Variants in PTPRG observed in about 807,000 individuals in gnomAD.
PTPRG encodes protein tyrosine phosphatase receptor type G, also known as receptor-type tyrosine-protein phosphatase gamma.
In PTPRG, 102 loss-of-function variants were observed where a neutral mutation model predicts 165.3. The ratio of observed to expected loss-of-function variants is 0.62; its 90% CI spans 0.53 to 0.73. The LOEUF is 0.73. Among genes scored for constraint, PTPRG ranks in the 30% least tolerant of loss-of-function variants. The pLI is 0.00. For missense variants in PTPRG, 1,866 were observed against 1,861.4 expected (o/e 1.00, Z -0.05); for synonymous variants, 675 against 669.5 (o/e 1.01, Z -0.13).
intron 1 of PTPRG, among the ~76,000 whole-genome samples, chr3:61,629,239 C>G (rs1386770815): frequency 1.3e-5 from 2 of 152,206 alleles, no homozygotes; most frequent in Non-Finnish European, 2.9e-5. Flanking sequence ...ACTGCAGCCT[C>G]TGCCTCCTGG....
intron 1 of PTPRG, among the ~76,000 whole-genome samples, chr3:61,646,788 C>T (rs952704269): frequency 2.0e-5 from 3 of 152,138 alleles, no homozygotes; most frequent in African/African-American, 7.2e-5. Context: ...TATGCTACCC[C>T]TTGATAGCCA....
At chr3:61,970,038 C>T (rs1361070073) in intron 2 of PTPRG, among the ~76,000 whole-genome samples, 1 of 152,198 alleles carries the variant, frequency 6.6e-6, no homozygotes, top group Non-Finnish European at 1.5e-5. Flanking sequence ...AGATTCCTAT[C>T]ACTCCTTTTT....
At position 62,254,640 on chromosome 3, in the gene PTPRG, T is replaced by C. The variant is rs35923396; in HGVS notation, c.2468-484T>C. On this transcript the variant is annotated intron_variant, in intron 15 of 29. Coordinates refer to ENST00000474889, the MANE Select transcript of PTPRG (RefSeq NM_002841.4). This position sits in a 1 kb window ranked among gnomAD's most constrained non-coding sequence, Gnocchi z 4.6. ...CTGGTACAATGGCATCTATCTATAA[T>C]TGTGTATAAAGGATTGCTTAAAACT... 7.9e-3 allele frequency among the ~76,000 whole-genome samples: 1,201 copies of C among 152,168 alleles called. 12 individuals carry two copies. Among genetic ancestry groups the C allele is most frequent in the Admixed American group, 0.025 (386 of 15,272 alleles).
chr3:62,058,091 A>G (rs1700688511), intron 4 of PTPRG, among the ~76,000 whole-genome samples: 1 of 152,202 alleles, frequency 6.6e-6, no homozygotes. Context: ...CAGCAGTGCT[A>G]GTATGGATGT....
intron 4 of PTPRG, among the ~76,000 whole-genome samples, chr3:62,064,005 A>C (rs1411288327): frequency 6.6e-6 from 1 of 152,138 alleles, no homozygotes; most frequent in African/African-American, 2.4e-5. Flanking sequence ...TTTGCTGATG[A>C]GGCTGGTCTT....
intron 2 of PTPRG, among the ~76,000 whole-genome samples, chr3:61,824,865 G>A (rs1238914430): frequency 6.6e-6 from 1 of 152,186 alleles, no homozygotes; most frequent in Admixed American, 6.5e-5. Flanking sequence ...CTACTTGCTG[G>A]TCATGTTGAT....
At chr3:62,020,992 T>A (rs1287929274) in intron 4 of PTPRG, among the ~76,000 whole-genome samples, 3 of 152,178 alleles carry the variant, frequency 2.0e-5, no homozygotes, top group Non-Finnish European at 2.9e-5. Context: ...TGTTTTTTAA[T>A]GCTGCATAGC....
chr3:61,690,226 A>G lies in PTPRG; in HGVS notation c.86-58652A>G, dbSNP rs144088699. Among the ~76,000 whole-genome samples, 758 of 152,238 alleles carry G rather than the reference A, an allele frequency of 5.0e-3. 7 individuals are homozygous for G. The highest frequency in any genetic ancestry group is 0.017 in the African/African-American group (707 of 41,546). ...ATGGCCTGGAATGCAGTTTGTCACT[A>G]TCACTTCTTGGAAATGCAGAGGCCT... On this transcript the variant is annotated intron_variant, in intron 1 of 29. Coordinates refer to ENST00000474889, the MANE Select transcript of PTPRG (RefSeq NM_002841.4).
chr3:62,139,811 C>T (rs1233762108), intron 6 of PTPRG, among the ~76,000 whole-genome samples: 2 of 152,224 alleles, frequency 1.3e-5, no homozygotes, highest in Non-Finnish European at 2.9e-5. Flanking sequence ...CACCCATCAT[C>T]TCCTCACCAA....
intron 1 of PTPRG, among the ~76,000 whole-genome samples, chr3:61,662,741 C>G (rs969088960): frequency 3.3e-5 from 5 of 152,010 alleles, no homozygotes; most frequent in African/African-American, 1.2e-4. Flanking sequence ...TTTCTAGGGG[C>G]AGAAAAGGGA....
chr3:62,263,055 C>A, intron 17 of PTPRG, 161 bp downstream of exon 17: 1 of 571,432 alleles, frequency 1.7e-6, no homozygotes, highest in Non-Finnish European at 3.1e-6. Flanking sequence ...GAAGTTGGGA[C>A]ATTTTCTTCC....
chr3:61,827,015 C>T (rs1162889742), intron 2 of PTPRG, among the ~76,000 whole-genome samples: 1 of 152,024 alleles, frequency 6.6e-6, no homozygotes, highest in Non-Finnish European at 1.5e-5. Context: ...CTCAATCAGG[C>T]AACTAGAATG....
intron 1 of PTPRG, among the ~76,000 whole-genome samples, chr3:61,706,383 T>G (rs963925899): frequency 9.2e-5 from 14 of 152,216 alleles, no homozygotes; most frequent in African/African-American, 3.4e-4. Context: ...TGTATTTTTT[T>G]TTTTATAACA....
chr3:61,670,259 G>T lies in PTPRG; in HGVS notation c.86-78619G>T, dbSNP rs77756012. Among the ~76,000 whole-genome samples, 519 of 152,306 alleles carry T rather than the reference G, an allele frequency of 3.4e-3. 3 individuals carry two copies. The highest frequency in any genetic ancestry group is 0.012 in the African/African-American group (484 of 41,568). ...AAAACTTGGGAAGACCCAGGAGGGG[G>T]TTGACTTATCCCGAAAAATCAGGTT... On this transcript the variant is annotated intron_variant, in intron 1 of 29. Transcript: ENST00000474889.
At chr3:61,592,638 TTTCTTTCTTTC>T (rs1700599249) in intron 1 of PTPRG, among the ~76,000 whole-genome samples, 1 of 145,548 alleles carries the variant, frequency 6.9e-6, no homozygotes, top group Non-Finnish European at 1.5e-5. Flanking sequence ...TTTTTCTTTC[TTTCTTTCTTTC>T]TTTTTTTTTT....
At chr3:61,887,886 C>T (rs529865813) in intron 2 of PTPRG, among the ~76,000 whole-genome samples, 55 of 152,180 alleles carry the variant, frequency 3.6e-4, no homozygotes, top group South Asian at 1.0e-3. Context: ...ATTAGAGGAA[C>T]ATTACTTAAA....
chr3:61,752,022 G>A (rs941007013), intron 2 of PTPRG, among the ~76,000 whole-genome samples: 12 of 151,906 alleles, frequency 7.9e-5, no homozygotes, highest in Non-Finnish European at 1.2e-4. Flanking sequence ...CGTTAACATA[G>A]TCTCTGGCGT....
chr3:61,828,516 G>T (rs945927722), intron 2 of PTPRG, among the ~76,000 whole-genome samples: 4 of 152,156 alleles, frequency 2.6e-5, no homozygotes, highest in African/African-American at 9.7e-5. Context: ...ATAGTGCCTG[G>T]CCCATGCTTA....
chr3:61,611,098 G>A (rs181253630), intron 1 of PTPRG, among the ~76,000 whole-genome samples: 6 of 152,104 alleles, frequency 3.9e-5, no homozygotes, highest in Non-Finnish European at 7.3e-5. Flanking sequence ...CACCGAGTCC[G>A]GTGTATTCTT....
Sources: gnomAD v4.1 joint callset for allele counts (sites outside exome capture counted in the v4.1 genomes callset) on GRCh38, gnomAD v4.1.1 for gene constraint, Gnocchi (gnomAD v3.1) non-coding constraint, MANE v1.5 for transcripts, NCBI Gene and HGNC (gene_info 2026-07-23, HGNC 2026-07-21) for gene names.